CCDC61: variants seen among roughly 807,000 people sequenced by gnomAD.
The protein encoded by CCDC61 is coiled-coil domain containing 61.
In CCDC61, 55 loss-of-function variants were observed where a neutral mutation model predicts 63.0. The observed-to-expected ratio is 0.87, with a 90% CI of 0.70 to 1.09. The LOEUF (loss-of-function observed/expected upper bound fraction) is 1.09, where lower values mean the gene tolerates loss of function less well. Ranked by LOEUF, CCDC61 falls within the 50% of genes least tolerant of loss-of-function variation. The pLI is 0.00. For synonymous variants in CCDC61, 270 were observed against 317.0 expected, an observed-to-expected ratio of 0.85 and a Z score of 1.58; for missense variants, 651 against 731.4, an observed-to-expected ratio of 0.89 and a Z score of 1.27.
Position 46,018,276 on chromosome 19 carries a change from A to G in CCDC61, c.1442-14A>G. 6.4e-7 allele frequency: 1 copy of G among 1,560,496 alleles called. No homozygotes were observed. Among genetic ancestry groups the G allele is most frequent in the Non-Finnish European group, 8.7e-7 (1 of 1,152,324 alleles). On this transcript the variant is annotated splice_polypyrimidine_tract_variant and intron_variant, in intron 13 of 13. Coordinates refer to ENST00000595358, the MANE Select transcript of CCDC61 (RefSeq NM_001267723.2). This position sits in a 1 kb window ranked among gnomAD's most constrained non-coding sequence, Gnocchi z 4.2. ...GGCCCCTCACAGCCCCCATACCCACACCTGCTCTCACAGAGTACAGCTCGG... is the reference window on the plus strand; with the variant it reads ...GGCCCCTCACAGCCCCCATACCCACGCCTGCTCTCACAGAGTACAGCTCGG...
chr19:46,011,436 C>T (rs1052807867), intron 5 of CCDC61, among the ~76,000 whole-genome samples: 1 of 152,150 alleles, frequency 6.6e-6, no homozygotes, highest in African/African-American at 2.4e-5. Context: ...GTTATTTGTC[C>T]TGTAGAGTTT....
In CCDC61 at chr19:46,008,340, G is replaced by C. The variant is rs778141839; in HGVS notation, c.551+39G>C. On this transcript the variant is annotated intron_variant, in intron 5 of 13. Transcript: ENST00000595358. ...GGGTGGGCAGCTGGGGCGGGTGGGGGCCCTCCCATCATGCACCGCGGGGCC... is the reference window on the plus strand; with the variant it reads ...GGGTGGGCAGCTGGGGCGGGTGGGGCCCCTCCCATCATGCACCGCGGGGCC... The C allele has an allele frequency of 6.1e-5, 57 of 941,820 alleles. No individual in the cohort carries two copies. In the African/African-American group the frequency reaches 9.0e-4, roughly 15 times the overall value. The allele number at this position is 941,820 out of a possible 1,614,324, so 58.3% of individuals were successfully genotyped here. A position where few individuals can be genotyped will look rare whatever the true frequency, so the allele number is the denominator to read the frequency against.
chr19:46,005,815 G>A (rs1968697456), intron 3 of CCDC61, among the ~76,000 whole-genome samples: 1 of 148,594 alleles, frequency 6.7e-6, no homozygotes, highest in South Asian at 2.3e-4. Context: ...AGTAAAAATA[G>A]TGTTCTATGA....
chr19:46,017,434 C>T lies in CCDC61; in HGVS notation c.1368+130C>T, dbSNP rs976299477. 1.1e-4 allele frequency: 94 copies of T among 833,328 alleles called. 1 individual carries two copies. Among genetic ancestry groups the T allele is most frequent in the Middle Eastern group, 2.4e-4 (1 of 4,092 alleles). 51.6% of individuals were successfully genotyped at this position (833,328 alleles called of 1,614,324 possible). ...ATAGGGCTTTTTTAAGAGTGCGTCT[C>T]GCTCTTTCAGGCTGGGGTGCAGTGG... On this transcript the variant is annotated intron_variant, in intron 12 of 13. Coordinates refer to ENST00000595358, the MANE Select transcript of CCDC61 (RefSeq NM_001267723.2).
chr19:46,001,855 G>A (rs1452751399), intron 1 of CCDC61, among the ~76,000 whole-genome samples: 1 of 152,172 alleles, frequency 6.6e-6, no homozygotes, highest in African/African-American at 2.4e-5. Flanking sequence ...ATTCTCAAAG[G>A]CTCAAGGACT....
At position 46,016,273 on chromosome 19, in the gene CCDC61, G is replaced by A. The variant is rs534397820; in HGVS notation, c.1016-45G>A. 14 of 1,608,844 alleles carry A rather than the reference G, an allele frequency of 8.7e-6. No individual in the cohort carries two copies. In the South Asian group the frequency reaches 1.5e-4, roughly 18 times the overall value. ...GGAGGGGACGCACTGGCGCTGCCAA[G>A]GCCCGTCTCCGGACCTAGCCGCCTC... On this transcript the variant is annotated intron_variant, in intron 8 of 13. Transcript: ENST00000595358. This position sits in a 1 kb window ranked among gnomAD's most constrained non-coding sequence, Gnocchi z 7.2.
rs1019854220 is a variant in CCDC61 at position 46,003,820 on chromosome 19, C to CAT, written c.231+319_231+320insAT. 9.4e-4 allele frequency among the ~76,000 whole-genome samples: 136 copies of CAT among 144,006 alleles called. 1 individual carries two copies. Among genetic ancestry groups the CAT allele is most frequent in the African/African-American group, 3.4e-3 (133 of 39,302 alleles). The allele number at this position is 144,006 out of a possible 152,430, so 94.5% of individuals were successfully genotyped here. A position where few individuals can be genotyped will look rare whatever the true frequency, so the allele number is the denominator to read the frequency against. On this transcript the variant is annotated intron_variant, in intron 3 of 13. Coordinates refer to ENST00000595358, the MANE Select transcript of CCDC61 (RefSeq NM_001267723.2). ...CCATGTCTCTGTTTGTTTCCAAATA[C>CAT]GTGTGTGTGTGTGTGTGTGTGTGTG...
At chr19:46,003,853 G>GTGTGTGTGTA (rs1968643980) in intron 3 of CCDC61, among the ~76,000 whole-genome samples, 1 of 150,514 alleles carries the variant, frequency 6.6e-6, no homozygotes, top group Non-Finnish European at 1.5e-5. Context: ...GTGTGTGTGT[G>GTGTGTGTGTA]TGTGTGTGTA....
In CCDC61 at chr19:46,016,183, G is replaced by C. The variant is rs756212235; in HGVS notation, c.975G>C (p.Arg325=). The C allele has an allele frequency of 5.3e-6, 7 of 1,314,838 alleles. No individual in the cohort carries two copies. In the African/African-American group the frequency reaches 1.1e-4, roughly 20 times the overall value. 81.4% of individuals were successfully genotyped at this position (1,314,838 alleles called of 1,614,324 possible). Residue 325 remains arginine, a synonymous_variant, in exon 8 of 14, where the codon CGG becomes CGC. Coordinates refer to ENST00000595358, the MANE Select transcript of CCDC61 (RefSeq NM_001267723.2). This position sits in a 1 kb window ranked among gnomAD's most constrained non-coding sequence, Gnocchi z 7.2. Reference sequence around the variant, plus strand: ...CCCGGGAGAGCGGCCGCGGGAGCCGGGGTCGGGGCCGCCCTGCGCGCCCCT... The same window carrying C: ...CCCGGGAGAGCGGCCGCGGGAGCCGCGGTCGGGGCCGCCCTGCGCGCCCCT... ...SSSRESGRGS[R]GRGRPARPSP...
intron 3 of CCDC61, 82 bp downstream of exon 3, chr19:46,003,583 T>C (rs1968636129): frequency 4.4e-6 from 4 of 901,786 alleles, no homozygotes; most frequent in African/African-American, 1.6e-5. Context: ...ATCTGATGTA[T>C]GTAAGACCCT....
intron 1 of CCDC61, among the ~76,000 whole-genome samples, chr19:46,001,002 G>A (rs1405012845): frequency 6.6e-6 from 1 of 151,646 alleles, no homozygotes; most frequent in African/African-American, 2.4e-5. Flanking sequence ...GGGCGGTGAT[G>A]CTGTGCGGCT....
At chr19:46,006,011 C>T (rs1968701916) in intron 3 of CCDC61, among the ~76,000 whole-genome samples, 3 of 152,166 alleles carry the variant, frequency 2.0e-5, no homozygotes, top group African/African-American at 7.2e-5. Flanking sequence ...TCATCAAGAA[C>T]ATTCCGATGT....
chr19:46,018,329 T>A lies in CCDC61; in HGVS notation c.1481T>A (p.Ile494Lys). ...SEHQAADMAE[I>K]DARLKALQEY... is the part of the protein sequence containing the mutation. ...CACCAGGCGGCTGACATGGCCGAAA[T>A]AGACGCACGCCTGAAGGCCTTGCAG... Residue 494 changes from isoleucine (I) to lysine (K), a missense_variant, in exon 14 of 14, where the codon ATA becomes AAA. Physicochemically the swap from Ile to Lys is moderately radical, Grantham distance 102 (BLOSUM62 -3). Transcript: ENST00000595358. The surrounding 1 kb of genome is among the most constrained non-coding windows in gnomAD (Gnocchi z 4.2). 3 of 1,576,792 alleles carry A rather than the reference T, an allele frequency of 1.9e-6. No homozygotes were observed. The highest frequency in any genetic ancestry group is 2.6e-6 in the Non-Finnish European group (3 of 1,161,696).
At chr19:46,006,247 G>A (rs1452981887) in intron 3 of CCDC61, among the ~76,000 whole-genome samples, 1 of 152,202 alleles carries the variant, frequency 6.6e-6, no homozygotes, top group Non-Finnish European at 1.5e-5. Flanking sequence ...GTATTATTAT[G>A]AAAGTAGCTT....
intron 1 of CCDC61, among the ~76,000 whole-genome samples, chr19:46,001,581 C>T (rs1020222635): frequency 4.6e-5 from 7 of 152,238 alleles, no homozygotes; most frequent in Non-Finnish European, 7.3e-5. Flanking sequence ...GCACAATTGC[C>T]AGAATGTGAA....
At position 46,015,489 on chromosome 19, in the gene CCDC61, A is replaced by ATGAGGCGGAGCC; in HGVS notation, c.845+64_845+75dup. ...GCGGGCCCTGAGGGTGTGGAGGCTG[A>ATGAGGCGGAGCC]TGAGGCGGAGCCTAAGGGGGCGGGG... On this transcript the variant is annotated intron_variant, in intron 7 of 13. Transcript: ENST00000595358. The surrounding 1 kb of genome is among the most constrained non-coding windows in gnomAD (Gnocchi z 5.3). 1 of 853,100 alleles carries ATGAGGCGGAGCC rather than the reference A, an allele frequency of 1.2e-6. No individual in the cohort carries two copies. The highest frequency in any genetic ancestry group is 1.5e-6 in the Non-Finnish European group (1 of 655,550). The allele number at this position is 853,100 out of a possible 1,614,324, so 52.8% of individuals were successfully genotyped here. A position where few individuals can be genotyped will look rare whatever the true frequency, so the allele number is the denominator to read the frequency against.
intron 1 of CCDC61, chr19:46,000,056 A>G: frequency 1.0e-6 from 1 of 985,162 alleles, no homozygotes; most frequent in Non-Finnish European, 1.2e-6. Context: ...TGGAGGATGC[A>G]GGTAGAGGGA....
At chr19:46,010,635 TAGAG>T (rs770351312) in intron 5 of CCDC61, among the ~76,000 whole-genome samples, 1 of 152,200 alleles carries the variant, frequency 6.6e-6, no homozygotes, top group Non-Finnish European at 1.5e-5. Flanking sequence ...AGCTCCTTGT[TAGAG>T]AGTGTGGGGA....
chr19:46,002,741 C>T (rs1265181028), intron 1 of CCDC61, among the ~76,000 whole-genome samples: 1 of 152,108 alleles, frequency 6.6e-6, no homozygotes, highest in Non-Finnish European at 1.5e-5. Context: ...TTCTAGTATC[C>T]AGCACATATT....
Sources: gnomAD v4.1 joint callset for allele counts (sites outside exome capture counted in the v4.1 genomes callset) on GRCh38, gnomAD v4.1.1 for gene constraint, Gnocchi (gnomAD v3.1) non-coding constraint, MANE v1.5 for transcripts, NCBI Gene and HGNC (gene_info 2026-07-23, HGNC 2026-07-21) for gene names.